Variants in PPL observed in about 807,000 individuals in gnomAD.
PPL encodes the protein 190 kDa paraneoplastic pemphigus antigen.
PPL carries 198 observed loss-of-function variants against 194.4 expected under a neutral mutation model. The ratio of observed to expected loss-of-function variants is 1.02; its 90% CI spans 0.91 to 1.15. PPL has a LOEUF of 1.15. Among genes scored for constraint, PPL ranks in the 50% most tolerant of loss-of-function variants. PPL has a pLI of 0.00. For synonymous variants in PPL, 1,220 were observed against 972.4 expected, an observed-to-expected ratio of 1.25 and a Z score of -4.74; for missense variants, 2,885 against 2,294.8, an observed-to-expected ratio of 1.26 and a Z score of -5.25.
Position 4,894,539 on chromosome 16 carries a change from T to C in PPL, c.1322A>G (p.Asn441Ser), listed in dbSNP as rs777145299. The part of the protein sequence containing the change: ...ESWELMDSAG[N>S]KLIAPAVCFV... ...ACACACGGCCGGAGCAATCAGCTTG[T>C]TCCCAGCGCTGTCCATGAGCTCCCA... Residue 441 changes from asparagine to serine, a missense_variant, in exon 12 of 22, where the codon AAC (asparagine) becomes AGC (serine). Asn to Ser is a conservative substitution (Grantham distance 46). Transcript: ENST00000345988. The C allele has an allele frequency of 1.2e-6, 2 of 1,613,896 alleles. No homozygotes were observed. Among genetic ancestry groups the C allele is most frequent in the Middle Eastern group, 1.7e-4 (1 of 6,060 alleles).
rs567914276 is a variant in PPL at position 4,895,398 on chromosome 16, TCTC to T, written c.1102_1104del (p.Glu368del). 3,621 of 1,613,142 alleles carry T rather than the reference TCTC, an allele frequency of 2.2e-3. 9 individuals carry two copies. The highest frequency in any genetic ancestry group is 2.8e-3 in the Non-Finnish European group (3,317 of 1,179,858). On this transcript the variant is annotated inframe_deletion, in exon 11 of 22. Transcript: ENST00000345988. ...ACGTCCTCATACTTGTCCAGCACCT[TCTC>T]CTGGTCCTGGAGAGAACGGGGTCAG...
intron 1 of PPL, among the ~76,000 whole-genome samples, chr16:4,920,921 C>T (rs151046989): frequency 6.6e-6 from 1 of 152,252 alleles, no homozygotes; most frequent in East Asian, 1.9e-4. Context: ...ATTGTTTATA[C>T]AATTCGGGCC....
intron 18 of PPL, 29 bp downstream of exon 18, chr16:4,890,155 G>A (rs2088291522): frequency 6.2e-7 from 1 of 1,613,702 alleles, no homozygotes; most frequent in East Asian, 2.2e-5. Flanking sequence ...GCCAGTGTGT[G>A]CCTGGGGCTG....
chr16:4,884,037 G>C lies in PPL; in HGVS notation c.4618C>G (p.Leu1540Val). 1 of 1,613,662 alleles carries C rather than the reference G, an allele frequency of 6.2e-7. No individual in the cohort carries two copies. The highest frequency in any genetic ancestry group is 8.5e-7 in the Non-Finnish European group (1 of 1,180,022). ...TCCAGCTCCGAAAGCCTGGCTTCCAGCCGGCTCACCTCGACGTCCAGCTCG... is the reference window on the plus strand; with the variant it reads ...TCCAGCTCCGAAAGCCTGGCTTCCACCCGGCTCACCTCGACGTCCAGCTCG... ...KRELDVEVSRLEARLSELEFH... is the reference protein window; with the variant it reads ...KRELDVEVSRVEARLSELEFH... The change falls in exon 22 of 22, where the codon CTG (leucine) becomes GTG (valine). Residue 1540 changes from leucine (L) to valine (V), a missense_variant. Leu to Val is a conservative substitution (Grantham distance 32, BLOSUM62 1). Transcript: ENST00000345988. The surrounding 1 kb of genome is among the most constrained non-coding windows in gnomAD (Gnocchi z 5.7).
At chr16:4,936,578 C>A (rs949151954) in intron 1 of PPL, among the ~76,000 whole-genome samples, 10 of 152,220 alleles carry the variant, frequency 6.6e-5, no homozygotes, top group Non-Finnish European at 1.2e-4. Context: ...AGCGACCCCG[C>A]CTTGAGTGCC....
chr16:4,910,996 G>T, intron 1 of PPL, 47 bp from the exon 2 acceptor site: 1 of 1,517,976 alleles, frequency 6.6e-7, no homozygotes, highest in African/African-American at 1.4e-5. Flanking sequence ...CTGGTGGGTG[G>T]GGGCTATGTC....
intron 1 of PPL, among the ~76,000 whole-genome samples, chr16:4,916,873 C>T (rs2088927445): frequency 6.6e-6 from 1 of 151,950 alleles, no homozygotes. Context: ...CTCACGCCTG[C>T]AATCCCAGCA....
intron 1 of PPL, among the ~76,000 whole-genome samples, chr16:4,917,372 G>A (rs916410767): frequency 3.9e-5 from 6 of 152,112 alleles, no homozygotes; most frequent in African/African-American, 7.2e-5. Flanking sequence ...CAGGAACCTC[G>A]AGAATGTTAT....
At position 4,883,421 on chromosome 16, in the gene PPL, A is replaced by G. The variant is rs2088138954; in HGVS notation, c.5234T>C (p.Ile1745Thr). 1 of 1,614,160 alleles carries G rather than the reference A, an allele frequency of 6.2e-7. No individual in the cohort carries two copies. The highest frequency in any genetic ancestry group is 1.3e-5 in the African/African-American group (1 of 75,044). Reference sequence around the variant, plus strand: ...AGATACCAAGACCGCCAGCTCCTGGATGGACATATCCTTGTTGACATAGCG... The same window carrying G: ...AGATACCAAGACCGCCAGCTCCTGGGTGGACATATCCTTGTTGACATAGCG... ...YDRYVNKDMSIQELAVLVSGQ... is the reference protein window; with the variant it reads ...YDRYVNKDMSTQELAVLVSGQ... The change falls in exon 22 of 22, where the codon ATC becomes ACC. Residue 1745 changes from isoleucine (I) to threonine (T), a missense_variant. Physicochemically the swap from Ile to Thr is moderately conservative, Grantham distance 89. Coordinates refer to ENST00000345988, the MANE Select transcript of PPL (RefSeq NM_002705.5). This position sits in a 1 kb window ranked among gnomAD's most constrained non-coding sequence, Gnocchi z 4.8.
chr16:4,936,606 C>T (rs926474851), intron 1 of PPL, among the ~76,000 whole-genome samples: 8 of 152,332 alleles, frequency 5.3e-5, no homozygotes, highest in Middle Eastern at 3.4e-3. Context: ...CCAAAAACTC[C>T]GCCCCCTCAT....
chr16:4,890,684 C>T (rs752438055), intron 17 of PPL, 44 bp downstream of exon 17: 24 of 1,555,296 alleles, frequency 1.5e-5, no homozygotes, highest in Non-Finnish European at 1.8e-5. Flanking sequence ...AATTAGATCG[C>T]ATTCTCAGAA....
In PPL at chr16:4,883,624, G is replaced by T. The variant is rs765997348; in HGVS notation, c.5031C>A (p.Ala1677=). ...CGAACATGTTCCAGTCAATGAGCCCGGCACGGTGGGCTTCCTCCGGGGACA... is the reference window on the plus strand; with the variant it reads ...CGAACATGTTCCAGTCAATGAGCCCTGCACGGTGGGCTTCCTCCGGGGACA... ...RELSPEEAHR[A]GLIDWNMFVK... is the part of the protein sequence containing the mutation. Residue 1677 remains alanine (A), a synonymous_variant, in exon 22 of 22, where the codon GCC becomes GCA. Transcript: ENST00000345988. This position sits in a 1 kb window ranked among gnomAD's most constrained non-coding sequence, Gnocchi z 4.8. The T allele has an allele frequency of 6.2e-7, 1 of 1,614,072 alleles. No individual in the cohort carries two copies. Among genetic ancestry groups the T allele is most frequent in the Non-Finnish European group, 8.5e-7 (1 of 1,180,044 alleles).
At chr16:4,936,439 C>A (rs534732814) in intron 1 of PPL, among the ~76,000 whole-genome samples, 5 of 152,264 alleles carry the variant, frequency 3.3e-5, no homozygotes, top group East Asian at 1.9e-4. Context: ...CCTCCGGACA[C>A]CCATCCCTCG....
Position 4,903,968 on chromosome 16 carries a change from C to G in PPL, c.235G>C (p.Glu79Gln). ...DVTLQKVLDS[E>Q]KLLYVLEADA... ...GCCTCTAGCACATAGAGCAGCTTCT[C>G]AGAGTCCAACACCTTCTGCAGGGTC... The change falls in exon 3 of 22, where the codon GAG becomes CAG. Residue 79 changes from glutamate (E) to glutamine (Q), a missense_variant. Transcript: ENST00000345988. 6.2e-7 allele frequency: 1 copy of G among 1,613,976 alleles called. No individual in the cohort carries two copies. The highest frequency in any genetic ancestry group is 8.5e-7 in the Non-Finnish European group (1 of 1,180,040).
chr16:4,931,628 G>A (rs1008978842), intron 1 of PPL, among the ~76,000 whole-genome samples: 9 of 152,212 alleles, frequency 5.9e-5, no homozygotes, highest in Admixed American at 4.6e-4. Context: ...CAGACCTGCC[G>A]GGAGCAGAGA....
intron 2 of PPL, among the ~76,000 whole-genome samples, chr16:4,905,392 A>G (rs1010303393): frequency 4.6e-5 from 7 of 152,184 alleles, no homozygotes; most frequent in African/African-American, 1.7e-4. Context: ...AGGCAAGTCC[A>G]GAGAGATGGA....
chr16:4,901,038 G>C lies in PPL; in HGVS notation c.490C>G (p.Gln164Glu), dbSNP rs761415266. ...TGGAAGATGTTATGCTCCTCCACTT[G>C]GTGGTCCACCAGCGGCAGGTCAGTC... ...FGTDLPLVDH[Q>E]VEEHNIFHNE... Residue 164 changes from glutamine (Q) to glutamate (E), a missense_variant, in exon 5 of 22, where the codon CAA becomes GAA. Gln to Glu is a conservative substitution (Grantham distance 29, BLOSUM62 2). Coordinates refer to ENST00000345988, the MANE Select transcript of PPL (RefSeq NM_002705.5). The C allele has an allele frequency of 6.2e-6, 10 of 1,614,062 alleles. No homozygotes were observed. The highest frequency in any genetic ancestry group is 1.3e-5 in the African/African-American group (1 of 74,924).
intron 1 of PPL, among the ~76,000 whole-genome samples, chr16:4,926,759 G>A (rs2142420812): frequency 6.6e-6 from 1 of 151,788 alleles, no homozygotes; most frequent in African/African-American, 2.4e-5. Flanking sequence ...GGCGTCTGTA[G>A]TCCCAGCTAC....
Position 4,891,819 on chromosome 16 carries a change from C to G in PPL, c.1960G>C (p.Glu654Gln), listed in dbSNP as rs1424587571. The change falls in exon 16 of 22, where the codon GAG becomes CAG. Residue 654 changes from glutamate to glutamine, a missense_variant. Glu to Gln is a conservative substitution (Grantham distance 29, BLOSUM62 2). Coordinates refer to ENST00000345988, the MANE Select transcript of PPL (RefSeq NM_002705.5). The part of the protein sequence containing the change: ...SSRVLDSKGQ[E>Q]LAAMACELQA... ...TTGGGCCCTAGACTCACCGCCAGCT[C>G]CTGCCCCTTGCTGTCCAGGACACGG... is the stretch of plus-strand genomic sequence containing the variant. 1.9e-6 allele frequency: 3 copies of G among 1,611,042 alleles called. No individual in the cohort carries two copies. In the African/African-American group the frequency reaches 4.0e-5, roughly 22 times the overall value.
Sources: allele counts gnomAD v4.1 joint callset (sites outside exome capture counted in the v4.1 genomes callset), GRCh38; gene constraint gnomAD v4.1.1; non-coding constraint Gnocchi (gnomAD v3.1); transcripts MANE v1.5; gene names NCBI Gene and HGNC (gene_info 2026-07-23, HGNC 2026-07-21).